The following IL17RC variants were observed in gnomAD, a reference collection of about 807,000 sequenced individuals.
IL17RC encodes interleukin-17 receptor C.
Under a neutral mutation model 86.7 loss-of-function variants are expected in IL17RC, and 53 were observed. The observed-to-expected ratio is 0.61, with a 90% CI of 0.49 to 0.77. The LOEUF is 0.77. Ranked by LOEUF, IL17RC falls within the 30% of genes least tolerant of loss-of-function variation. The pLI is 0.00. For synonymous variants in IL17RC, 439 were observed against 413.1 expected, an observed-to-expected ratio of 1.06 and a Z score of -0.76; for missense variants, 957 against 940.0, an observed-to-expected ratio of 1.02 and a Z score of -0.24.
In IL17RC at chr3:9,930,253, G is replaced by C. The variant is rs575059140; in HGVS notation, c.1278+104G>C. 5.6e-4 allele frequency: 868 copies of C among 1,552,716 alleles called. 8 individuals are homozygous for C. The Middle Eastern group carries it at 0.01, about 18-fold the overall frequency. ...CCTGTGCCGGTCTCTGGGAACATGG[G>C]GGGTGACTCAGACCAGGGCCATATT... On this transcript the variant is annotated intron_variant, in intron 14 of 18. Transcript: ENST00000403601. This position sits in a 1 kb window ranked among gnomAD's most constrained non-coding sequence, Gnocchi z 5.8.
chr3:9,933,146 G>A lies in IL17RC; in HGVS notation c.1716G>A (p.Gln572=), dbSNP rs1406820971. 9 of 1,601,686 alleles carry A rather than the reference G, an allele frequency of 5.6e-6. No individual in the cohort carries two copies. The highest frequency in any genetic ancestry group is 6.8e-6 in the Non-Finnish European group (8 of 1,176,260). Residue 572 remains glutamine (Q), a synonymous_variant, in exon 19 of 19, where the codon CAG becomes CAA. Transcript: ENST00000403601. The part of the protein sequence containing the change: ...WFHAQRRQTL[Q]EGGVVVLLFS... Reference sequence around the variant, plus strand: ...ACGCGCAGCGGCGCCAGACCCTGCAGGAGGGCGGCGTGGTGGTCTTGCTCT... The same window carrying A: ...ACGCGCAGCGGCGCCAGACCCTGCAAGAGGGCGGCGTGGTGGTCTTGCTCT...
intron 17 of IL17RC, 24 bp from the exon 18 acceptor site, chr3:9,932,796 G>A (rs1315080354): frequency 6.3e-7 from 1 of 1,577,270 alleles, no homozygotes; most frequent in African/African-American, 1.4e-5. Flanking sequence ...CTCACTGGCT[G>A]CCTCCGCCCC....
intron 5 of IL17RC, chr3:9,918,918 A>G (rs560844084): frequency 3.3e-6 from 1 of 306,050 alleles, no homozygotes; most frequent in East Asian, 7.9e-5. Context: ...GAAATCACCA[A>G]GCGTTTTTCA....
intron 12 of IL17RC, 145 bp downstream of exon 12, chr3:9,928,775 G>T (rs576589046): frequency 3.5e-5 from 28 of 789,764 alleles, no homozygotes; most frequent in African/African-American, 3.3e-4. Flanking sequence ...AGTAGTGCGC[G>T]GGACCCTGGG....
In IL17RC at chr3:9,923,898, G is replaced by C; in HGVS notation, c.640G>C (p.Val214Leu). Residue 214 changes from valine (V) to leucine (L), a missense_variant, in exon 8 of 19, where the codon GTG (valine) becomes CTG (leucine). By Grantham distance (32) the Val-to-Leu change is conservative. Coordinates refer to ENST00000403601, the MANE Select transcript of IL17RC (RefSeq NM_153460.4). ...CCCACCAGCCCTGCCCTGGCTCAAC[G>C]TGTCAGCAGATGGTGACAACGTGCA... ...PSCWALPWLN[V>L]SADGDNVHLV... The C allele has an allele frequency of 6.2e-7, 1 of 1,614,092 alleles. No homozygotes were observed. Among genetic ancestry groups the C allele is most frequent in the Non-Finnish European group, 8.5e-7 (1 of 1,179,986 alleles).
chr3:9,929,823 T>C (rs1172419208), intron 12 of IL17RC, 29 bp from the exon 13 acceptor site: 18 of 1,613,912 alleles, frequency 1.1e-5, no homozygotes, highest in Non-Finnish European at 1.5e-5. Context: ...CTTTTCTTAG[T>C]GGCCCTAACC....
rs768781212 is a variant in IL17RC, at chr3:9,928,642, G to C, written c.1110+12G>C. ...ACCTCTGTGTTCAGGTCAGAAAGGG[G>C]TGCATAGTGCTGGGCTGGAGGCTGG... On this transcript the variant is annotated intron_variant, in intron 12 of 18. Transcript: ENST00000403601. 3 of 1,613,578 alleles carry C rather than the reference G, an allele frequency of 1.9e-6. No homozygotes were observed. The highest frequency in any genetic ancestry group is 1.7e-5 in the Admixed American group (1 of 60,016).
intron 9 of IL17RC, among the ~76,000 whole-genome samples, chr3:9,927,819 T>A (rs1401807452): frequency 6.6e-6 from 1 of 152,046 alleles, no homozygotes; most frequent in East Asian, 1.9e-4. Context: ...CGTTGTGGCA[T>A]GTTCCTGTAA....
Position 9,920,922 on chromosome 3 carries a change from C to T in IL17RC, c.578-3C>T. ...TGGAGGCTCTTCTGTGATCTCTCCT[C>T]AGACTGCAGGGGGCTCGAAGTCTGG... On this transcript the variant is annotated splice_region_variant and splice_polypyrimidine_tract_variant and intron_variant, in intron 6 of 18. Transcript: ENST00000403601. 6.2e-7 allele frequency: 1 copy of T among 1,609,854 alleles called. No individual in the cohort carries two copies. Among genetic ancestry groups the T allele is most frequent in the Non-Finnish European group, 8.5e-7 (1 of 1,178,762 alleles).
Position 9,928,480 on chromosome 3 carries a change from T to C in IL17RC, c.1053T>C (p.Thr351=), listed in dbSNP as rs1368259595. The change falls in exon 11 of 19, where the codon ACT becomes ACC. Residue 351 remains threonine, a synonymous_variant. Coordinates refer to ENST00000403601, the MANE Select transcript of IL17RC (RefSeq NM_153460.4). ...LVPPLSWENV[T]VDKVLEFPLL... is the part of the protein sequence containing the mutation. ...CACCGCTTTCCTGGGAGAACGTCAC[T>C]GTGGACGTAAGTGAAGCAGAGGGCA... is the stretch of plus-strand genomic sequence containing the variant. 2 of 1,611,948 alleles carry C rather than the reference T, an allele frequency of 1.2e-6. No homozygotes were observed. Among genetic ancestry groups the C allele is most frequent in the Non-Finnish European group, 1.7e-6 (2 of 1,179,786 alleles).
Position 9,933,085 on chromosome 3 carries a change from G to C in IL17RC, c.1655G>C (p.Arg552Pro). 1 of 1,567,544 alleles carries C rather than the reference G, an allele frequency of 6.4e-7. No homozygotes were observed. The highest frequency in any genetic ancestry group is 8.6e-7 in the Non-Finnish European group (1 of 1,163,792). ...GTGGCCGTAGACCTGTGGAGCCGTC[G>C]TGAACTGAGCGCGCAGGGGCCCGTG... is the stretch of plus-strand genomic sequence containing the variant. ...LRVAVDLWSR[R>P]ELSAQGPVAW... The change falls in exon 19 of 19, where the codon CGT becomes CCT. Residue 552 changes from arginine to proline, a missense_variant. By Grantham distance (103) the Arg-to-Pro change is moderately radical. Transcript: ENST00000403601.
intron 3 of IL17RC, 64 bp from the exon 4 acceptor site, chr3:9,918,271 C>T (rs1429587129): frequency 1.9e-5 from 28 of 1,471,086 alleles, no homozygotes; most frequent in East Asian, 2.5e-5. Context: ...AGGAAGCCAA[C>T]GCCAAAGCCA....
At chr3:9,929,918 G>A in intron 13 of IL17RC, 21 bp downstream of exon 13, 1 of 1,613,982 alleles carries the variant, frequency 6.2e-7, no homozygotes, top group East Asian at 2.2e-5. Flanking sequence ...CCTGGGGGCA[G>A]CTGGGGCAGG....
At chr3:9,927,952 A>G (rs889784223) in intron 9 of IL17RC, among the ~76,000 whole-genome samples, 7 of 152,136 alleles carry the variant, frequency 4.6e-5, no homozygotes, top group Non-Finnish European at 7.3e-5. Context: ...CTATCTCAAA[A>G]AAAAAAAAAA....
rs761009426 is a variant in IL17RC at position 9,933,499 on chromosome 3, C to T, written c.2069C>T (p.Pro690Leu). ...GAGCAAGTGTCCCGGGCCCTTCAGC[C>T]AGCCCTGGATAGCTACTTCCATCCC... ...RAEQVSRALQ[P>L]ALDSYFHPPG... Residue 690 changes from proline to leucine, a missense_variant, in exon 19 of 19, where the codon CCA (proline) becomes CTA (leucine). Coordinates refer to ENST00000403601, the MANE Select transcript of IL17RC (RefSeq NM_153460.4). The T allele has an allele frequency of 1.2e-6, 2 of 1,611,580 alleles. No individual in the cohort carries two copies. Among genetic ancestry groups the T allele is most frequent in the Admixed American group, 1.7e-5 (1 of 59,870 alleles).
At chr3:9,929,662 T>A (rs2084467291) in intron 12 of IL17RC, 190 bp from the exon 13 acceptor site, 1 of 687,660 alleles carries the variant, frequency 1.5e-6, no homozygotes, top group Admixed American at 2.1e-5. Context: ...ATACAGATGA[T>A]CTCACAAGGC....
chr3:9,932,812 C>G lies in IL17RC; in HGVS notation c.1484-8C>G, dbSNP rs1275615841. Reference sequence around the variant, plus strand: ...TCACTGGCTGCCTCCGCCCCTCTCCCCTAACAGGGTGGCTGAGGCTCTTGA... The same window carrying G: ...TCACTGGCTGCCTCCGCCCCTCTCCGCTAACAGGGTGGCTGAGGCTCTTGA... On this transcript the variant is annotated splice_polypyrimidine_tract_variant and splice_region_variant and intron_variant, in intron 17 of 18. Coordinates refer to ENST00000403601, the MANE Select transcript of IL17RC (RefSeq NM_153460.4). 5 of 1,570,178 alleles carry G rather than the reference C, an allele frequency of 3.2e-6. No homozygotes were observed. Among genetic ancestry groups the G allele is most frequent in the South Asian group, 1.2e-5 (1 of 83,488 alleles).
At position 9,930,201 on chromosome 3, in the gene IL17RC, C is replaced by G. The variant is rs752571920; in HGVS notation, c.1278+52C>G. The G allele has an allele frequency of 6.2e-6, 10 of 1,605,036 alleles. No homozygotes were observed. The East Asian group carries it at 2.0e-4, about 32-fold the overall frequency. On this transcript the variant is annotated intron_variant, in intron 14 of 18. Coordinates refer to ENST00000403601, the MANE Select transcript of IL17RC (RefSeq NM_153460.4). The surrounding 1 kb of genome is among the most constrained non-coding windows in gnomAD (Gnocchi z 5.8). ...AGATCTCTCCAAATGCATCTCACAT[C>G]TGGCCTCAAATTTTCACTCCATCCA...
intron 2 of IL17RC, 40 bp from the exon 3 acceptor site, chr3:9,917,883 T>A (rs781727753): frequency 6.2e-7 from 1 of 1,612,550 alleles, no homozygotes; most frequent in Non-Finnish European, 8.5e-7. Context: ...AATTCTGGGC[T>A]TGGAACAGCT....
Sources: gnomAD v4.1 joint callset for allele counts (sites outside exome capture counted in the v4.1 genomes callset) on GRCh38, gnomAD v4.1.1 for gene constraint, Gnocchi (gnomAD v3.1) non-coding constraint, MANE v1.5 for transcripts, NCBI Gene and HGNC (gene_info 2026-07-23, HGNC 2026-07-21) for gene names.